SYNE2: variants seen among roughly 807,000 people sequenced by gnomAD.
SYNE2 encodes the protein nesprin-2.
Under a neutral mutation model 856.3 loss-of-function variants are expected in SYNE2, and 431 were observed. That is an observed-to-expected ratio of 0.50 (90% CI 0.47 to 0.55). The LOEUF is 0.55. SYNE2 is among the 20% of genes least tolerant of loss of function. SYNE2 has a pLI of 0.00. For missense variants in SYNE2, 8,129 were observed against 8,023.2 expected (o/e 1.01, Z -0.50); for synonymous variants, 2,923 against 2,872.3 (o/e 1.02, Z -0.56).
At chr14:63,949,762 A>G in intron 6 of SYNE2, 63 bp from the exon 7 acceptor site, 3 of 1,573,188 alleles carry the variant, frequency 1.9e-6, no homozygotes, top group Non-Finnish European at 2.6e-6. Context: ...TTGACTGGAA[A>G]TTTTGGCCCA....
intron 2 of SYNE2, among the ~76,000 whole-genome samples, chr14:63,915,843 A>G (rs749929603): frequency 2.6e-5 from 4 of 152,238 alleles, no homozygotes; most frequent in Non-Finnish European, 5.9e-5. Flanking sequence ...TATACTGAGT[A>G]TCCATCTGAA....
In SYNE2 at chr14:64,107,815, T is replaced by C. The variant is rs546529792; in HGVS notation, c.12609+208T>C. Among the ~76,000 whole-genome samples, 321 of 152,370 alleles carry C rather than the reference T, an allele frequency of 2.1e-3. 1 individual carries two copies. Among genetic ancestry groups the C allele is most frequent in the African/African-American group, 7.4e-3 (308 of 41,596 alleles). ...AGAAAATAGGCATGGCATAGAGAAT[T>C]AGACGCTTTTCACTCATTTACCATT... is the stretch of plus-strand genomic sequence containing the variant. On this transcript the variant is annotated intron_variant, in intron 65 of 115. Coordinates refer to ENST00000555002, the MANE Select transcript of SYNE2 (RefSeq NM_182914.3).
chr14:63,882,699 CT>C (rs1198787617), intron 1 of SYNE2, among the ~76,000 whole-genome samples: 5 of 152,058 alleles, frequency 3.3e-5, no homozygotes, highest in African/African-American at 1.2e-4. Context: ...GAGTGGGCCC[CT>C]ATCTCAGAAA....
intron 48 of SYNE2, among the ~76,000 whole-genome samples, chr14:64,054,848 CAA>C (rs147252459): frequency 0.013 from 1,937 of 152,220 alleles, 46 homozygotes; most frequent in African/African-American, 0.044. Context: ...TTTTCTAATT[CAA>C]AGAGTTATTA....
intron 23 of SYNE2, among the ~76,000 whole-genome samples, chr14:63,996,701 G>GTA (rs2096716491): frequency 6.6e-6 from 1 of 152,040 alleles, no homozygotes; most frequent in African/African-American, 2.4e-5. Flanking sequence ...CTTCAGGCGG[G>GTA]TAGGCTCTAT....
At chr14:63,830,994 C>T (rs1889648239) in intron 1 of SYNE2, among the ~76,000 whole-genome samples, 1 of 151,882 alleles carries the variant, frequency 6.6e-6, no homozygotes. Flanking sequence ...GCACCTGCCA[C>T]CCTGCCCGGC....
chr14:64,092,078 C>G (rs1344371555), intron 60 of SYNE2, among the ~76,000 whole-genome samples: 1 of 151,944 alleles, frequency 6.6e-6, no homozygotes, highest in African/African-American at 2.4e-5. Context: ...ATCTAGCACT[C>G]AATGTACTAC....
intron 75 of SYNE2, 33 bp downstream of exon 75, chr14:64,129,934 T>A (rs369179166): frequency 5.1e-5 from 83 of 1,613,974 alleles, no homozygotes; most frequent in Non-Finnish European, 6.9e-5. Context: ...GACTCAGCAC[T>A]GTGATTGTGA....
intron 62 of SYNE2, chr14:64,098,410 T>A: frequency 3.4e-6 from 2 of 596,644 alleles, no homozygotes; most frequent in Admixed American, 2.9e-5. Context: ...GGATCAAGCC[T>A]CCCTTTGAAG....
intron 45 of SYNE2, among the ~76,000 whole-genome samples, chr14:64,045,355 C>T (rs1384224846): frequency 6.8e-6 from 1 of 147,166 alleles, no homozygotes; most frequent in Non-Finnish European, 1.5e-5. Context: ...GTTCTGCAAT[C>T]TTAGTAGATG....
At chr14:64,126,195 A>AGAACAAT in intron 71 of SYNE2, 132 bp from the exon 72 acceptor site, 1 of 770,746 alleles carries the variant, frequency 1.3e-6, no homozygotes, top group South Asian at 1.6e-5. Context: ...CCTAGTTCAC[A>AGAACAAT]AAGCGTTTGA....
chr14:64,063,951 A>G (rs1056509816), intron 50 of SYNE2, among the ~76,000 whole-genome samples: 1 of 152,212 alleles, frequency 6.6e-6, no homozygotes, highest in Non-Finnish European at 1.5e-5. Flanking sequence ...TTAATTTATA[A>G]ATTAAAGTGC....
At chr14:63,811,574 A>C (rs188891836) in intron 1 of SYNE2, among the ~76,000 whole-genome samples, 1 of 152,288 alleles carries the variant, frequency 6.6e-6, no homozygotes, top group African/African-American at 2.4e-5. Context: ...TGAGTGGAAT[A>C]TTATATTTTC....
intron 8 of SYNE2, among the ~76,000 whole-genome samples, chr14:63,961,054 T>A (rs1198864272): frequency 6.6e-6 from 1 of 152,220 alleles, no homozygotes; most frequent in Non-Finnish European, 1.5e-5. Flanking sequence ...TGTGGATGTC[T>A]TAGATAAGCC....
chr14:64,214,651 T>C, intron 106 of SYNE2, 181 bp downstream of exon 106: 1 of 634,184 alleles, frequency 1.6e-6, no homozygotes. Context: ...CTCACTCTCA[T>C]CACAGGTGGA....
chr14:63,987,768 T>G (rs1312270118), intron 19 of SYNE2, among the ~76,000 whole-genome samples: 4 of 146,908 alleles, frequency 2.7e-5, no homozygotes, highest in Non-Finnish European at 4.4e-5. Context: ...ATTTAAAAAT[T>G]TTTTAAATAA....
At chr14:63,762,014 T>G in intron 1 of SYNE2, 1 of 473,180 alleles carries the variant, frequency 2.1e-6, no homozygotes, top group Non-Finnish European at 4.4e-6. Context: ...GTTTGCATCA[T>G]GTGTGAATAT....
Position 64,107,479 on chromosome 14 carries a change from T to G in SYNE2, c.12493-12T>G. The G allele has an allele frequency of 6.2e-7, 1 of 1,611,280 alleles. No homozygotes were observed. The stretch of plus-strand genomic sequence containing the variant: ...AGGACCCTTTCTGGAGCTCTGATTC[T>G]TTTCTTTACAGGAAGCATATGGGAA... On this transcript the variant is annotated splice_polypyrimidine_tract_variant and intron_variant, in intron 64 of 115. Coordinates refer to ENST00000555002, the MANE Select transcript of SYNE2 (RefSeq NM_182914.3).
At chr14:63,977,876 C>T (rs369024137) in intron 12 of SYNE2, 29 bp from the exon 13 acceptor site, 15 of 1,442,860 alleles carry the variant, frequency 1.0e-5, no homozygotes, top group South Asian at 9.1e-5. Flanking sequence ...CAATAAGTAT[C>T]GTTTATGTCA....
Sources: allele counts gnomAD v4.1 joint callset (sites outside exome capture counted in the v4.1 genomes callset), GRCh38; gene constraint gnomAD v4.1.1; transcripts MANE v1.5; gene names NCBI Gene and HGNC (gene_info 2026-07-23, HGNC 2026-07-21).